Variants in TEX14 observed in about 807,000 individuals in gnomAD.
TEX14 encodes the protein inactive serine/threonine-protein kinase TEX14.
A neutral mutation model predicts 178.6 loss-of-function variants in TEX14; 168 were observed. That is an observed-to-expected ratio of 0.94 (90% CI 0.83 to 1.07). The LOEUF (loss-of-function observed/expected upper bound fraction) is 1.07. Among genes scored for constraint, TEX14 ranks in the 50% least tolerant of loss-of-function variants. TEX14 has a pLI of 0.00. For synonymous variants in TEX14, 626 were observed against 634.1 expected (o/e 0.99, Z 0.19); for missense variants, 1,730 against 1,753.6 (o/e 0.99, Z 0.24).
chr17:58,587,232 C>G (rs2044999643), intron 17 of TEX14, among the ~76,000 whole-genome samples: 1 of 152,070 alleles, frequency 6.6e-6, no homozygotes, highest in Admixed American at 6.6e-5. Flanking sequence ...CATCGTTTTG[C>G]TTAAAGTCGT....
In TEX14 at chr17:58,661,635, C is replaced by T. The variant is rs771603494; in HGVS notation, c.-1-9633G>A. ...CTGATGCGAAATGTTGATTCCTTTC[C>T]TTTCTGGACACACGTAAAGATTCTG... On this transcript the variant is annotated intron_variant, in intron 1 of 31. Coordinates refer to ENST00000349033, the MANE Select transcript of TEX14 (RefSeq NM_031272.5). 9 of 675,800 alleles carry T rather than the reference C, an allele frequency of 1.3e-5. No homozygotes were observed. In the African/African-American group the frequency reaches 1.6e-4, roughly 12 times the overall value. The allele number at this position is 675,800 out of a possible 1,614,324, so 41.9% of individuals were successfully genotyped here.
intron 3 of TEX14, among the ~76,000 whole-genome samples, chr17:58,626,905 T>A (rs921735190): frequency 1.3e-5 from 2 of 151,964 alleles, no homozygotes; most frequent in African/African-American, 2.4e-5. Flanking sequence ...TCCCAGAAAT[T>A]CCCCTTCACC....
chr17:58,659,208 T>C (rs571702766), intron 1 of TEX14: 21 of 287,826 alleles, frequency 7.3e-5, no homozygotes, highest in Non-Finnish European at 9.9e-5. Flanking sequence ...AGTTTTCTCA[T>C]TCGGGGAAAT....
intron 14 of TEX14, among the ~76,000 whole-genome samples, chr17:58,596,958 T>C (rs2045300439): frequency 6.6e-6 from 1 of 152,162 alleles, no homozygotes; most frequent in Admixed American, 6.6e-5. Context: ...AAGTGAGGAC[T>C]GAAGCCTCAC....
intron 1 of TEX14, chr17:58,677,522 A>G (rs1462053199): frequency 3.3e-5 from 5 of 152,254 alleles, no homozygotes; most frequent in African/African-American, 7.2e-5. Flanking sequence ...GAGAAGCCAA[A>G]CACGGCCACA....
At chr17:58,677,899 C>T (rs972378172) in intron 1 of TEX14, among the ~76,000 whole-genome samples, 2 of 152,236 alleles carry the variant, frequency 1.3e-5, no homozygotes, top group African/African-American at 4.8e-5. Flanking sequence ...CGCCTGTAAT[C>T]CCAACACTTT....
chr17:58,617,801 C>T (rs770411186), intron 5 of TEX14, among the ~76,000 whole-genome samples, 182 bp from the exon 6 acceptor site: 4 of 152,194 alleles, frequency 2.6e-5, no homozygotes, highest in Non-Finnish European at 5.9e-5. Context: ...TCTCACTTAC[C>T]GGTATGCATA....
intron 9 of TEX14, 84 bp downstream of exon 9, chr17:58,613,337 G>C: frequency 6.5e-7 from 1 of 1,534,262 alleles, no homozygotes; most frequent in Non-Finnish European, 9.0e-7. Context: ...TGCAGAAATG[G>C]GATCACCACA....
chr17:58,622,655 C>A (rs146173352), intron 4 of TEX14, among the ~76,000 whole-genome samples, 192 bp downstream of exon 4: 3 of 152,290 alleles, frequency 2.0e-5, no homozygotes, highest in African/African-American at 7.2e-5. Flanking sequence ...CCTTTCCCAT[C>A]GAATACGATG....
intron 2 of TEX14, among the ~76,000 whole-genome samples, chr17:58,636,473 C>G (rs2046435272): frequency 6.6e-6 from 1 of 152,212 alleles, no homozygotes; most frequent in South Asian, 2.1e-4. Context: ...AGGCACTATT[C>G]TTTTAATTCA....
intron 21 of TEX14, among the ~76,000 whole-genome samples, chr17:58,575,672 G>A (rs980547225): frequency 3.9e-5 from 6 of 152,146 alleles, no homozygotes; most frequent in East Asian, 3.9e-4. Context: ...ACAACTCACC[G>A]TGTTCCATTT....
At chr17:58,686,860 C>CT (rs1567777424) in intron 1 of TEX14, among the ~76,000 whole-genome samples, 1 of 136,776 alleles carries the variant, frequency 7.3e-6, no homozygotes, top group African/African-American at 2.7e-5. Context: ...TGAAAGGTCA[C>CT]CTTTTTTTTT....
chr17:58,624,117 A>G (rs1468504154), intron 3 of TEX14, among the ~76,000 whole-genome samples: 2 of 152,066 alleles, frequency 1.3e-5, no homozygotes, highest in Non-Finnish European at 2.9e-5. Context: ...CCCTGTGTCT[A>G]CTAAAAATAC....
chr17:58,586,461 A>G (rs2044977066), intron 17 of TEX14, among the ~76,000 whole-genome samples: 1 of 152,176 alleles, frequency 6.6e-6, no homozygotes, highest in Admixed American at 6.6e-5. Flanking sequence ...TCCAGACTAC[A>G]CTGAGCTCAT....
At position 58,622,883 on chromosome 17, in the gene TEX14, A is replaced by G. The variant is rs140852489; in HGVS notation, c.381T>C (p.Thr127=). The change falls in exon 4 of 32, where the codon ACT becomes ACC. Residue 127 remains threonine (T), a synonymous_variant. Transcript: ENST00000349033. ...LHDERGQNPK[T]WALTAGKERS... ...GCTCCTTTCCTGCTGTCAAAGCCCA[A>G]GTCTTCGGGTTTTGACCCCTCTCAT... 2.5e-6 allele frequency: 4 copies of G among 1,612,046 alleles called. No individual in the cohort carries two copies. The African/African-American group carries it at 4.0e-5, about 16-fold the overall frequency.
rs553841335 is a variant in TEX14 at position 58,560,450 on chromosome 17, A to G, written c.4158-888T>C. On this transcript the variant is annotated intron_variant, in intron 29 of 31. Coordinates refer to ENST00000349033, the MANE Select transcript of TEX14 (RefSeq NM_031272.5). The stretch of plus-strand genomic sequence containing the variant: ...AGCCACTGCCTGAGCAGCAGTAACC[A>G]TTACTAAAATAAGTGTAAAGGCAGG... 2.0e-5 allele frequency among the ~76,000 whole-genome samples: 3 copies of G among 152,334 alleles called. No homozygotes were observed. The South Asian group carries it at 6.2e-4, about 32-fold the overall frequency.
chr17:58,590,770 G>C (rs2045116044), intron 15 of TEX14, among the ~76,000 whole-genome samples: 1 of 152,098 alleles, frequency 6.6e-6, no homozygotes. Flanking sequence ...TCCCAGGGTA[G>C]TCTCCAATTC....
In TEX14 at chr17:58,616,253, A is replaced by G. The variant is rs779152115; in HGVS notation, c.689T>C (p.Ile230Thr). ...QMAYLGSLPVIGEKEVIQADD... is the reference protein window; with the variant it reads ...QMAYLGSLPVTGEKEVIQADD... ...AGCTTGAATCACTTCCTTTTCTCCA[A>G]TGACCGGAAGAGATCCTAGATAGGC... The change falls in exon 7 of 32, where the codon ATT becomes ACT. Residue 230 changes from isoleucine (I) to threonine (T), a missense_variant. Ile to Thr is a moderately conservative substitution (Grantham distance 89, BLOSUM62 -1). Coordinates refer to ENST00000349033, the MANE Select transcript of TEX14 (RefSeq NM_031272.5). 2.7e-5 allele frequency: 43 copies of G among 1,613,888 alleles called. No individual in the cohort carries two copies. The highest frequency in any genetic ancestry group is 2.7e-5 in the African/African-American group (2 of 74,880).
chr17:58,626,957 C>A (rs867601005), intron 3 of TEX14, among the ~76,000 whole-genome samples: 2 of 152,126 alleles, frequency 1.3e-5, no homozygotes, highest in Non-Finnish European at 1.5e-5. Flanking sequence ...TTTCCCGGTA[C>A]CTCTATGCAG....
Sources: gnomAD v4.1 joint callset for allele counts (sites outside exome capture counted in the v4.1 genomes callset) on GRCh38, gnomAD v4.1.1 for gene constraint, MANE v1.5 for transcripts, NCBI Gene and HGNC (gene_info 2026-07-23, HGNC 2026-07-21) for gene names.